ERC2: variants seen among roughly 807,000 people sequenced by gnomAD.
ERC2 encodes ELKS/RAB6-interacting/CAST family member 2.
A neutral mutation model predicts 114.8 loss-of-function variants in ERC2; 42 were observed. The observed-to-expected ratio is 0.37, with a 90% CI of 0.29 to 0.47. The LOEUF (loss-of-function observed/expected upper bound fraction) is 0.47. Ranked by LOEUF, ERC2 falls within the 20% of genes least tolerant of loss-of-function variation. ERC2 has a pLI of 0.99. For missense variants in ERC2, 939 were observed against 1,150.7 expected (o/e 0.82, Z 2.66); for synonymous variants, 454 against 425.5 (o/e 1.07, Z -0.82).
intron 14 of ERC2, among the ~76,000 whole-genome samples, chr3:55,794,447 A>G (rs1357499880): frequency 6.6e-6 from 1 of 152,104 alleles, no homozygotes; most frequent in African/African-American, 2.4e-5. Context: ...AGTTGTATTA[A>G]TCATGTTTTA....
At chr3:55,720,132 T>C (rs542157873) in intron 15 of ERC2, among the ~76,000 whole-genome samples, 1 of 908 alleles carries the variant, frequency 1.1e-3, no homozygotes, top group African/African-American at 3.9e-3. Flanking sequence ...TTCTTCTTCC[T>C]CTTCTTCTTC....
At chr3:56,193,928 C>G (rs1005423709) in intron 3 of ERC2, among the ~76,000 whole-genome samples, 1 of 152,140 alleles carries the variant, frequency 6.6e-6, no homozygotes, top group Non-Finnish European at 1.5e-5. Flanking sequence ...GTCTTTATAA[C>G]TTTTCTGGTG....
At chr3:56,446,717 C>A (rs545039853) in intron 1 of ERC2, among the ~76,000 whole-genome samples, 1 of 150,096 alleles carries the variant, frequency 6.7e-6, no homozygotes, top group South Asian at 2.1e-4. Flanking sequence ...CCTCCAACTC[C>A]CAGGTTCACG....
At chr3:56,077,557 T>C (rs1028885921) in intron 7 of ERC2, among the ~76,000 whole-genome samples, 14 of 152,318 alleles carry the variant, frequency 9.2e-5, no homozygotes, top group Admixed American at 3.9e-4. Flanking sequence ...TGGTCATTTG[T>C]CACTTATGCA....
chr3:56,325,073 A>G (rs150377956), intron 2 of ERC2, among the ~76,000 whole-genome samples: 152 of 151,730 alleles, frequency 1.0e-3, no homozygotes, highest in African/African-American at 3.0e-3. Flanking sequence ...CTCATGATCT[A>G]TCTACCTTTA....
At chr3:55,905,328 G>A (rs139399865) in intron 13 of ERC2, among the ~76,000 whole-genome samples, 4,032 of 152,220 alleles carry the variant, frequency 0.026, 104 homozygotes, top group Middle Eastern at 0.068. Flanking sequence ...CAATCCACCT[G>A]CCTCAGCCTC....
chr3:56,315,891 A>G (rs1360323638), intron 2 of ERC2, among the ~76,000 whole-genome samples: 1 of 152,170 alleles, frequency 6.6e-6, no homozygotes, highest in Non-Finnish European at 1.5e-5. Flanking sequence ...AGTATCTAAC[A>G]GTACAGATAC....
intron 3 of ERC2, among the ~76,000 whole-genome samples, chr3:56,288,214 T>G (rs2054849687): frequency 6.6e-6 from 1 of 152,178 alleles, no homozygotes; most frequent in African/African-American, 2.4e-5. Flanking sequence ...TGGGGTACTT[T>G]CTCACTGCTG....
chr3:56,419,785 T>G (rs1454500596), intron 2 of ERC2, among the ~76,000 whole-genome samples: 1 of 152,222 alleles, frequency 6.6e-6, no homozygotes, highest in Admixed American at 6.5e-5. Flanking sequence ...GATGAGGAAG[T>G]GAAATTTGTG....
chr3:55,699,306 G>T, intron 16 of ERC2, 72 bp downstream of exon 16: 1 of 1,566,572 alleles, frequency 6.4e-7, no homozygotes. Context: ...TATTTCTTGA[G>T]GATTATTTAT....
intron 14 of ERC2, among the ~76,000 whole-genome samples, chr3:55,808,055 A>C (rs542895051): frequency 9.1e-4 from 139 of 152,164 alleles, no homozygotes; most frequent in Non-Finnish European, 1.5e-3. Context: ...TCATCATTTC[A>C]AAATTCAAGG....
At chr3:56,091,310 G>T (rs2077774558) in intron 6 of ERC2, among the ~76,000 whole-genome samples, 1 of 151,994 alleles carries the variant, frequency 6.6e-6, no homozygotes, top group South Asian at 2.1e-4. Flanking sequence ...AAGGAAGGAA[G>T]ATATCAAAGA....
intron 2 of ERC2, among the ~76,000 whole-genome samples, chr3:56,345,484 G>T (rs1472934308): frequency 6.6e-6 from 1 of 152,190 alleles, no homozygotes; most frequent in African/African-American, 2.4e-5. Context: ...GAGGAAAATG[G>T]TTAGTTTATG....
At chr3:56,311,567 G>T (rs982744332) in intron 2 of ERC2, among the ~76,000 whole-genome samples, 1 of 151,700 alleles carries the variant, frequency 6.6e-6, no homozygotes, top group Non-Finnish European at 1.5e-5. Flanking sequence ...CTAAAGTGAT[G>T]GGATTACAGG....
At chr3:55,756,593 A>G (rs559458262) in intron 14 of ERC2, among the ~76,000 whole-genome samples, 19 of 152,194 alleles carry the variant, frequency 1.2e-4, no homozygotes, top group African/African-American at 4.6e-4. Flanking sequence ...AGGCTGTTTG[A>G]CTCTAATGTG....
In ERC2 at chr3:56,317,154, A is replaced by G. The variant is rs191066934; in HGVS notation, c.658-20719T>C. ...AATGTGTACAAAGTGCTGAGGCAGC[A>G]CAGAGGAGGGAGGCATCAATCTGGT... On this transcript the variant is annotated intron_variant, in intron 2 of 17. Coordinates refer to ENST00000288221, the MANE Select transcript of ERC2 (RefSeq NM_015576.3). Among the ~76,000 whole-genome samples, 18 of 152,370 alleles carry G rather than the reference A, an allele frequency of 1.2e-4. No individual in the cohort carries two copies. The East Asian group carries it at 3.5e-3, about 29-fold the overall frequency.
At chr3:56,108,331 T>C (rs1405802010) in intron 6 of ERC2, among the ~76,000 whole-genome samples, 3 of 152,118 alleles carry the variant, frequency 2.0e-5, no homozygotes, top group Non-Finnish European at 4.4e-5. Flanking sequence ...AAATATTTAA[T>C]GTTTTGAAGT....
chr3:55,819,196 G>A (rs959297587), intron 14 of ERC2, among the ~76,000 whole-genome samples: 2 of 152,090 alleles, frequency 1.3e-5, no homozygotes, highest in African/African-American at 4.8e-5. Context: ...TATTGTTCTC[G>A]ATTAAAAACT....
intron 17 of ERC2, among the ~76,000 whole-genome samples, chr3:55,626,185 C>T (rs1225499327): frequency 3.3e-5 from 5 of 152,126 alleles, no homozygotes; most frequent in Non-Finnish European, 5.9e-5. Context: ...CCTTTTTGAC[C>T]TTTGCAGAAC....
Sources: allele counts gnomAD v4.1 joint callset (sites outside exome capture counted in the v4.1 genomes callset), GRCh38; gene constraint gnomAD v4.1.1; transcripts MANE v1.5; gene names NCBI Gene and HGNC (gene_info 2026-07-23, HGNC 2026-07-21).